The following CNTNAP2 variants were observed in gnomAD, a reference collection of about 807,000 sequenced individuals.
CNTNAP2 encodes contactin associated protein 2, also known as contactin-associated protein-like 2.
CNTNAP2 carries 98 observed loss-of-function variants against 155.2 expected under a neutral mutation model. The observed-to-expected ratio is 0.63, with a 90% confidence interval of 0.54 to 0.75. The LOEUF is 0.75. Among genes scored for constraint, CNTNAP2 ranks in the 30% least tolerant of loss-of-function variants. The pLI is 0.00. For synonymous variants in CNTNAP2, 651 were observed against 631.2 expected (o/e 1.03, Z -0.47); for missense variants, 1,727 against 1,688.1 (o/e 1.02, Z -0.40).
At chr7:146,644,699 A>G (rs1799778685) in intron 1 of CNTNAP2, among the ~76,000 whole-genome samples, 1 of 152,178 alleles carries the variant, frequency 6.6e-6, no homozygotes, top group African/African-American at 2.4e-5. Flanking sequence ...AATACTACAA[A>G]CACCTCTACA....
At chr7:146,999,340 A>G (rs1798379267) in intron 3 of CNTNAP2, among the ~76,000 whole-genome samples, 1 of 151,048 alleles carries the variant, frequency 6.6e-6, no homozygotes, top group Non-Finnish European at 1.5e-5. Flanking sequence ...AATTTACATC[A>G]TTTTATATTG....
At chr7:146,657,996 T>A (rs938678100) in intron 1 of CNTNAP2, among the ~76,000 whole-genome samples, 2 of 152,026 alleles carry the variant, frequency 1.3e-5, no homozygotes, top group Admixed American at 1.3e-4. Flanking sequence ...TATAAATATA[T>A]GCATGTACAA....
chr7:147,880,760 G>A (rs1255781815), intron 13 of CNTNAP2, among the ~76,000 whole-genome samples: 1 of 151,908 alleles, frequency 6.6e-6, no homozygotes, highest in African/African-American at 2.4e-5. Context: ...GAGAGGTCTG[G>A]TAAAATAAAA....
At chr7:146,593,687 GCTCATGCTATTT>G (rs889752111) in intron 1 of CNTNAP2, among the ~76,000 whole-genome samples, 5 of 152,026 alleles carry the variant, frequency 3.3e-5, no homozygotes, top group Non-Finnish European at 5.9e-5. Context: ...CTGTATCTCT[GCTCATGCTATTT>G]CTCATTTGCA....
At chr7:147,791,059 G>A (rs1222681183) in intron 13 of CNTNAP2, among the ~76,000 whole-genome samples, 2 of 152,196 alleles carry the variant, frequency 1.3e-5, no homozygotes, top group Middle Eastern at 3.4e-3. Context: ...TTTTTAAAAT[G>A]TCATCTGTTA....
chr7:147,067,217 T>C (rs1799797439), intron 4 of CNTNAP2, among the ~76,000 whole-genome samples: 1 of 144,184 alleles, frequency 6.9e-6, no homozygotes, highest in Non-Finnish European at 1.5e-5. Context: ...CTGGAACTCA[T>C]GAGGCGGAAG....
chr7:147,071,835 A>G (rs911188012), intron 4 of CNTNAP2, among the ~76,000 whole-genome samples: 2 of 152,232 alleles, frequency 1.3e-5, no homozygotes, highest in Non-Finnish European at 2.9e-5. Context: ...AGTTCTGGCC[A>G]TCTGTATCAA....
chr7:147,240,505 A>G (rs1200161046), intron 8 of CNTNAP2, among the ~76,000 whole-genome samples: 4 of 152,220 alleles, frequency 2.6e-5, no homozygotes, highest in Non-Finnish European at 5.9e-5. Context: ...CAGGCGTTTC[A>G]CTTCCAATTT....
At chr7:146,333,461 G>T (rs1486986822) in intron 1 of CNTNAP2, among the ~76,000 whole-genome samples, 1 of 152,048 alleles carries the variant, frequency 6.6e-6, no homozygotes, top group Non-Finnish European at 1.5e-5. Context: ...GTTATCTCAT[G>T]CCCGGAAAAA....
At chr7:147,418,369 C>G (rs2116502770) in intron 10 of CNTNAP2, among the ~76,000 whole-genome samples, 1 of 152,280 alleles carries the variant, frequency 6.6e-6, no homozygotes, top group South Asian at 2.1e-4. Flanking sequence ...CTGAAATTGA[C>G]CTTTATTCTC....
At chr7:146,489,995 G>C (rs981817174) in intron 1 of CNTNAP2, among the ~76,000 whole-genome samples, 3 of 152,058 alleles carry the variant, frequency 2.0e-5, no homozygotes, top group Non-Finnish European at 4.4e-5. Flanking sequence ...TGATGGGTAG[G>C]GATCAATCAG....
intron 1 of CNTNAP2, among the ~76,000 whole-genome samples, chr7:146,367,486 G>C (rs1795172444): frequency 6.6e-6 from 1 of 152,096 alleles, no homozygotes; most frequent in Admixed American, 6.5e-5. Flanking sequence ...AAGTGTAATG[G>C]AAGACAGATT....
intron 2 of CNTNAP2, among the ~76,000 whole-genome samples, chr7:146,789,840 A>C (rs1802639315): frequency 6.6e-6 from 1 of 151,258 alleles, no homozygotes. Context: ...AAGTGAAAGA[A>C]AATGAATAAC....
intron 3 of CNTNAP2, among the ~76,000 whole-genome samples, chr7:146,897,585 T>G (rs1795902476): frequency 7.0e-6 from 1 of 143,788 alleles, no homozygotes; most frequent in Non-Finnish European, 1.5e-5. Context: ...GTACGCAGAT[T>G]TTTTTTTTTT....
chr7:147,133,348 A>G (rs1584746658), intron 8 of CNTNAP2, among the ~76,000 whole-genome samples: 1 of 152,108 alleles, frequency 6.6e-6, no homozygotes, highest in East Asian at 1.9e-4. Context: ...GGGAGATACA[A>G]AGAAAACTAA....
At chr7:146,409,186 G>T (rs1386552195) in intron 1 of CNTNAP2, among the ~76,000 whole-genome samples, 1 of 152,066 alleles carries the variant, frequency 6.6e-6, no homozygotes, top group African/African-American at 2.4e-5. Flanking sequence ...TTTTAATTTT[G>T]AGTCAGTGTT....
At chr7:146,484,152 A>C (rs1196675168) in intron 1 of CNTNAP2, among the ~76,000 whole-genome samples, 2 of 152,206 alleles carry the variant, frequency 1.3e-5, no homozygotes, top group African/African-American at 4.8e-5. Flanking sequence ...ATGCTGTACA[A>C]GTTTGTTACC....
intron 1 of CNTNAP2, among the ~76,000 whole-genome samples, chr7:146,555,466 T>G (rs1798183535): frequency 6.6e-6 from 1 of 151,708 alleles, no homozygotes; most frequent in South Asian, 2.1e-4. Flanking sequence ...TTTATCCATC[T>G]ATATGTAATC....
At chr7:147,815,248 A>G (rs1798245859) in intron 13 of CNTNAP2, among the ~76,000 whole-genome samples, 1 of 152,134 alleles carries the variant, frequency 6.6e-6, no homozygotes, top group Non-Finnish European at 1.5e-5. Context: ...TCTATAGGTC[A>G]TAAGTCTGAG....
Sources: gnomAD v4.1 joint callset for allele counts (sites outside exome capture counted in the v4.1 genomes callset) on GRCh38, gnomAD v4.1.1 for gene constraint, MANE v1.5 for transcripts, NCBI Gene and HGNC (gene_info 2026-07-23, HGNC 2026-07-21) for gene names.